The following ANKRD11 variants were observed in gnomAD, a reference collection of about 807,000 sequenced individuals.
ANKRD11 encodes ankyrin repeat domain-containing protein 11.
Under a neutral mutation model 195.7 loss-of-function variants are expected in ANKRD11, and 17 were observed. The ratio of observed to expected loss-of-function variants is 0.09; its 90% CI spans 0.06 to 0.13. ANKRD11 has a LOEUF of 0.13. Ranked by LOEUF, ANKRD11 falls within the 10% of genes least tolerant of loss-of-function variation. The pLI is 1.00. For synonymous variants in ANKRD11, 1,953 were observed against 1,528.1 expected, an observed-to-expected ratio of 1.28 and a Z score of -6.49; for missense variants, 3,735 against 3,566.1, an observed-to-expected ratio of 1.05 and a Z score of -1.21.
At chr16:89,369,044 G>A (rs1399976960) in intron 2 of ANKRD11, among the ~76,000 whole-genome samples, 4 of 152,046 alleles carry the variant, frequency 2.6e-5, no homozygotes, top group East Asian at 3.9e-4. Context: ...ACCCCCCACT[G>A]GCACCCATTC....
At chr16:89,453,774 G>C (rs996933628) in intron 1 of ANKRD11, among the ~76,000 whole-genome samples, 5 of 152,196 alleles carry the variant, frequency 3.3e-5, no homozygotes, top group African/African-American at 1.2e-4. Flanking sequence ...AGAACAGGAA[G>C]TATTACATGA....
intron 1 of ANKRD11, among the ~76,000 whole-genome samples, chr16:89,447,962 G>A (rs1240214140): frequency 6.6e-6 from 1 of 151,850 alleles, no homozygotes; most frequent in African/African-American, 2.4e-5. Context: ...CCACCACCAC[G>A]CCTGGCTCAT....
At position 89,283,370 on chromosome 16, in the gene ANKRD11, CTTTAAAACA is replaced by C. The variant is rs768412857; in HGVS notation, c.3163_3171del (p.Cys1055_Lys1057del). On this transcript the variant is annotated inframe_deletion, in exon 9 of 13. Coordinates refer to ENST00000301030, the MANE Select transcript of ANKRD11 (RefSeq NM_013275.6). This position sits in a 1 kb window ranked among gnomAD's most constrained non-coding sequence, Gnocchi z 4.3. ...TGTTTTTCCTTGGTATCTTTTTTCT[CTTTAAAACA>C]TTTATCAAATTCTTTGTCCTTCTGA... 2 of 1,613,764 alleles carry C rather than the reference CTTTAAAACA, an allele frequency of 1.2e-6. No homozygotes were observed. Among genetic ancestry groups the C allele is most frequent in the Non-Finnish European group, 1.7e-6 (2 of 1,179,992 alleles).
chr16:89,345,347 G>A lies in ANKRD11; in HGVS notation c.-59-28269C>T, dbSNP rs147206033. ...ACAGAGCTCAGTGCCGACACCCCCC[G>A]GCACCTGGTGCCCCATCTGGGGAGG... On this transcript the variant is annotated intron_variant, in intron 2 of 12. Transcript: ENST00000301030. Among the ~76,000 whole-genome samples the A allele has an allele frequency of 2.3e-3, 294 of 128,344 alleles. 2 individuals are homozygous for A. The highest frequency in any genetic ancestry group is 7.7e-3 in the African/African-American group (266 of 34,334). 84.2% of individuals were successfully genotyped at this position (128,344 alleles called of 152,430 possible).
At chr16:89,425,682 GTTAT>G (rs895465443) in intron 1 of ANKRD11, among the ~76,000 whole-genome samples, 2 of 144,928 alleles carry the variant, frequency 1.4e-5, no homozygotes, top group Non-Finnish European at 3.0e-5. Context: ...AGAAGGTGCA[GTTAT>G]TTGTTTCCTG....
chr16:89,300,178 C>G lies in ANKRD11; in HGVS notation c.226+5028G>C, dbSNP rs1163226827. On this transcript the variant is annotated intron_variant, in intron 4 of 12. Transcript: ENST00000301030. ...TGTGTGGGGTGCGTGGGGTCTGTGC[C>G]CTGTGTGGGGTGCCTGCCCTGTGTG... 4 of 206,140 alleles carry G rather than the reference C, an allele frequency of 1.9e-5. No individual in the cohort carries two copies. In the Admixed American group the frequency reaches 2.6e-4, roughly 13 times the overall value. The allele number at this position is 206,140 out of a possible 1,614,324, so 12.8% of individuals were successfully genotyped here. A position where few individuals can be genotyped will look rare whatever the true frequency, so the allele number is the denominator to read the frequency against.
In ANKRD11 at chr16:89,279,838, G is replaced by C. The variant is rs1394383095; in HGVS notation, c.6704C>G (p.Pro2235Arg). 1 of 1,548,220 alleles carries C rather than the reference G, an allele frequency of 6.5e-7. No individual in the cohort carries two copies. Among genetic ancestry groups the C allele is most frequent in the Admixed American group, 1.9e-5 (1 of 51,298 alleles). ...TVPEERARGD[P>R]DSSVEPAPVP... is the part of the protein sequence containing the mutation. Reference sequence around the variant, plus strand: ...GGGCGCGGGCTCCACGCTGGAGTCCGGATCCCCACGGGCCCTCTCTTCCGG... The same window carrying C: ...GGGCGCGGGCTCCACGCTGGAGTCCCGATCCCCACGGGCCCTCTCTTCCGG... The change falls in exon 9 of 13, where the codon CCG becomes CGG. Residue 2235 changes from proline to arginine, a missense_variant. Transcript: ENST00000301030. The surrounding 1 kb of genome is among the most constrained non-coding windows in gnomAD (Gnocchi z 5.6).
At chr16:89,442,284 T>C (rs999246420) in intron 1 of ANKRD11, among the ~76,000 whole-genome samples, 2 of 152,210 alleles carry the variant, frequency 1.3e-5, no homozygotes, top group African/African-American at 4.8e-5. Context: ...TTCAGTATTC[T>C]ACAATCTAAC....
In ANKRD11 at chr16:89,282,243, G is replaced by A. The variant is rs1383539703; in HGVS notation, c.4299C>T (p.Ser1433=). The A allele has an allele frequency of 5.6e-6, 9 of 1,613,332 alleles. No individual in the cohort carries two copies. Among genetic ancestry groups the A allele is most frequent in the Admixed American group, 1.7e-5 (1 of 59,896 alleles). Residue 1433 remains serine, a synonymous_variant, in exon 9 of 13, where the codon TCC becomes TCT. Coordinates refer to ENST00000301030, the MANE Select transcript of ANKRD11 (RefSeq NM_013275.6). ...FSTEKKDKND[S]EREPSKKIEK... ...CTATTTTCTTGGAAGGTTCTCTCTC[G>A]GAATCATTTTTATCTTTCTTTTCGG...
intron 2 of ANKRD11, chr16:89,323,082 A>G: frequency 6.5e-6 from 2 of 307,506 alleles, no homozygotes; most frequent in South Asian, 5.0e-5. Context: ...CTTTACGGCA[A>G]CCCCTGCCTT....
In ANKRD11 at chr16:89,268,364, G is replaced by A. The variant is rs746872342; in HGVS notation, c.*114C>T. 5 of 536,106 alleles carry A rather than the reference G, an allele frequency of 9.3e-6. No homozygotes were observed. The highest frequency in any genetic ancestry group is 5.8e-5 in the African/African-American group (2 of 34,326). The allele number at this position is 536,106 out of a possible 1,614,324, so 33.2% of individuals were successfully genotyped here. A position where few individuals can be genotyped will look rare whatever the true frequency, so the allele number is the denominator to read the frequency against. On this transcript the variant is annotated 3_prime_UTR_variant, in exon 13 of 13. Transcript: ENST00000301030. ...GCTGTGGCCAAGTGCAGTCTCTCTCGGGGTCTCTCCCCGCCCGGGTGGACA... is the reference window on the plus strand; with the variant it reads ...GCTGTGGCCAAGTGCAGTCTCTCTCAGGGTCTCTCCCCGCCCGGGTGGACA...
chr16:89,428,347 A>G (rs1219023677), intron 1 of ANKRD11, among the ~76,000 whole-genome samples: 1 of 151,876 alleles, frequency 6.6e-6, no homozygotes, highest in Admixed American at 6.6e-5. Flanking sequence ...AACACGGTGA[A>G]ACCCCGTCTC....
chr16:89,356,059 C>G (rs972527457), intron 2 of ANKRD11, among the ~76,000 whole-genome samples: 2 of 152,202 alleles, frequency 1.3e-5, no homozygotes, highest in African/African-American at 4.8e-5. Flanking sequence ...CCAGCCTGGG[C>G]ACTGGAGTGA....
intron 2 of ANKRD11, among the ~76,000 whole-genome samples, chr16:89,357,675 G>C (rs1307138515): frequency 6.6e-6 from 1 of 152,198 alleles, no homozygotes; most frequent in East Asian, 1.9e-4. Flanking sequence ...ACGCGACTCA[G>C]CCCTAACGAG....
At chr16:89,486,447 CAAA>C (rs113833196) in intron 1 of ANKRD11, among the ~76,000 whole-genome samples, 10 of 103,242 alleles carry the variant, frequency 9.7e-5, no homozygotes, top group Admixed American at 1.0e-4. Context: ...GACCCTGCCT[CAAA>C]AAAAAAAAAA....
In ANKRD11 at chr16:89,284,493, C is replaced by A; in HGVS notation, c.2049G>T (p.Lys683Asn). The A allele has an allele frequency of 6.2e-7, 1 of 1,614,066 alleles. No homozygotes were observed. The highest frequency in any genetic ancestry group is 1.1e-5 in the South Asian group (1 of 91,074). The change falls in exon 9 of 13, where the codon AAG becomes AAT. Residue 683 changes from lysine (K) to asparagine (N), a missense_variant. Physicochemically the swap from Lys to Asn is moderately conservative, Grantham distance 94. Transcript: ENST00000301030. The stretch of plus-strand genomic sequence containing the variant: ...CGCGATCGTGCTTTAACACTTTTAG[C>A]TTGTTTTCAGTGGAAAGATCATTCT... The part of the protein sequence containing the change: ...LLENDLSTEN[K>N]LKVLKHDRDH...
In ANKRD11 at chr16:89,279,336, C is replaced by G. The variant is rs550312255; in HGVS notation, c.7206G>C (p.Thr2402=). The change falls in exon 9 of 13, where the codon ACG becomes ACC. Residue 2402 remains threonine, a synonymous_variant. Transcript: ENST00000301030. This position sits in a 1 kb window ranked among gnomAD's most constrained non-coding sequence, Gnocchi z 5.6. ...STQQLQQQLN[T]STQQTREVIQ... is the part of the protein sequence containing the mutation. The stretch of plus-strand genomic sequence containing the variant: ...TCACCTCCCGCGTCTGCTGCGTGGA[C>G]GTGTTCAGCTGCTGCTGCAGCTGCT... The G allele has an allele frequency of 6.2e-7, 1 of 1,611,292 alleles. No homozygotes were observed. Among genetic ancestry groups the G allele is most frequent in the Admixed American group, 1.7e-5 (1 of 59,908 alleles).
intron 1 of ANKRD11, among the ~76,000 whole-genome samples, chr16:89,434,632 G>C (rs911465284): frequency 1.3e-5 from 2 of 152,220 alleles, no homozygotes; most frequent in East Asian, 1.9e-4. Context: ...TTCCACAACA[G>C]ATGTCTCCTG....
intron 2 of ANKRD11, among the ~76,000 whole-genome samples, chr16:89,382,348 CAG>C (rs1491322611): frequency 6.6e-6 from 1 of 151,548 alleles, no homozygotes; most frequent in Non-Finnish European, 1.5e-5. Flanking sequence ...TTTTTAAAGA[CAG>C]AGTCTCGTTC....
Sources: gnomAD v4.1 joint callset for allele counts (sites outside exome capture counted in the v4.1 genomes callset) on GRCh38, gnomAD v4.1.1 for gene constraint, Gnocchi (gnomAD v3.1) non-coding constraint, MANE v1.5 for transcripts, NCBI Gene and HGNC (gene_info 2026-07-23, HGNC 2026-07-21) for gene names.